The following TLE1 variants were observed in gnomAD, a reference collection of about 807,000 sequenced individuals.
TLE1 encodes the protein TLE family member 1, transcriptional corepressor.
A neutral mutation model predicts 89.8 loss-of-function variants in TLE1; 21 were observed. The observed-to-expected ratio is 0.23, with a 90% confidence interval of 0.17 to 0.34. TLE1 has a LOEUF of 0.34. Ranked by LOEUF, TLE1 falls within the 10% of genes least tolerant of loss-of-function variation. The probability of loss-of-function intolerance (pLI) is 1.00; values close to 1 mark genes in which losing one functional copy is unlikely to be tolerated. For synonymous variants in TLE1, 447 were observed against 407.6 expected, an observed-to-expected ratio of 1.10 and a Z score of -1.16; for missense variants, 795 against 1,031.2, an observed-to-expected ratio of 0.77 and a Z score of 3.14.
intron 14 of TLE1, among the ~76,000 whole-genome samples, chr9:81,602,074 C>A (rs1392270062): frequency 1.3e-5 from 2 of 152,150 alleles, no homozygotes; most frequent in African/African-American, 4.8e-5. Context: ...GGAAGGCATC[C>A]ATGAAGGCTT....
At chr9:81,669,949 A>G (rs1464923723) in intron 4 of TLE1, among the ~76,000 whole-genome samples, 4 of 152,324 alleles carry the variant, frequency 2.6e-5, no homozygotes, top group Middle Eastern at 3.4e-3. Context: ...TCAAGCTAAG[A>G]TTCAATTCAG....
At chr9:81,678,245 G>A (rs1208401795) in intron 4 of TLE1, among the ~76,000 whole-genome samples, 1 of 152,124 alleles carries the variant, frequency 6.6e-6, no homozygotes, top group Non-Finnish European at 1.5e-5. Context: ...TCTTGCTTGT[G>A]TCATACAGTC....
Position 81,584,530 on chromosome 9 carries a change from A to G in TLE1, c.2129-6T>C. The G allele has an allele frequency of 6.2e-7, 1 of 1,613,824 alleles. No individual in the cohort carries two copies. The highest frequency in any genetic ancestry group is 8.5e-7 in the Non-Finnish European group (1 of 1,179,868). ...AGTACTCACAAACCATTTACCTAGA[A>G]TTAGCAAAGGAATATCTAGTTTTCA... On this transcript the variant is annotated splice_region_variant and splice_polypyrimidine_tract_variant and intron_variant, in intron 18 of 19. Coordinates refer to ENST00000376499, the MANE Select transcript of TLE1 (RefSeq NM_005077.5).
intron 4 of TLE1, among the ~76,000 whole-genome samples, chr9:81,679,510 A>C (rs2129106): frequency 0.22 from 32,784 of 151,998 alleles, 4,081 homozygotes; most frequent in Non-Finnish European, 0.28. Context: ...ACGGGGAAAA[A>C]AAATCAGAAA....
At chr9:81,594,019 T>C (rs1418894034) in intron 14 of TLE1, among the ~76,000 whole-genome samples, 2 of 152,158 alleles carry the variant, frequency 1.3e-5, no homozygotes, top group Non-Finnish European at 2.9e-5. Flanking sequence ...GGATGGCATT[T>C]TGAGGAAGCT....
intron 14 of TLE1, among the ~76,000 whole-genome samples, chr9:81,606,141 G>A (rs890434031): frequency 6.6e-6 from 1 of 152,190 alleles, no homozygotes; most frequent in Non-Finnish European, 1.5e-5. Context: ...GAGAGGATGT[G>A]GAGAAATAAG....
chr9:81,650,871 A>C (rs1328116904), intron 6 of TLE1, among the ~76,000 whole-genome samples: 1 of 152,188 alleles, frequency 6.6e-6, no homozygotes, highest in Non-Finnish European at 1.5e-5. Context: ...AAAGGAAATG[A>C]AGGTCACCCT....
intron 6 of TLE1, among the ~76,000 whole-genome samples, chr9:81,646,414 G>A (rs549241393): frequency 2.0e-4 from 30 of 152,308 alleles, no homozygotes; most frequent in African/African-American, 7.2e-4. Context: ...ATACAAGTTA[G>A]TAGAGCTAGA....
At chr9:81,676,997 G>A (rs1191920949) in intron 4 of TLE1, among the ~76,000 whole-genome samples, 1 of 152,090 alleles carries the variant, frequency 6.6e-6, no homozygotes, top group Non-Finnish European at 1.5e-5. Flanking sequence ...AACACTTTGG[G>A]AGGCCAAAAT....
At chr9:81,620,741 G>A in intron 8 of TLE1, 184 bp from the exon 9 acceptor site, 1 of 985,368 alleles carries the variant, frequency 1.0e-6, no homozygotes, top group Non-Finnish European at 1.2e-6. Context: ...TTAAAAGGGA[G>A]ACCCTGACTT....
At chr9:81,683,807 C>G (rs1253990873) in intron 4 of TLE1, among the ~76,000 whole-genome samples, 1 of 152,080 alleles carries the variant, frequency 6.6e-6, no homozygotes, top group Non-Finnish European at 1.5e-5. Flanking sequence ...CACGGACAGA[C>G]AGTATATAGC....
At chr9:81,654,140 GA>G (rs778516505) in intron 4 of TLE1, 104 bp from the exon 5 acceptor site, 35 of 1,025,680 alleles carry the variant, frequency 3.4e-5, no homozygotes, top group Non-Finnish European at 5.1e-5. Context: ...CCTTGCTCTG[GA>G]AATGTGTATA....
chr9:81,687,278 G>A, intron 2 of TLE1, 56 bp downstream of exon 2: 1 of 1,490,478 alleles, frequency 6.7e-7, no homozygotes, highest in Non-Finnish European at 9.2e-7. Flanking sequence ...ACCCGGCTGG[G>A]TGCAAGGGGC....
rs1554681595 is a variant in TLE1 at position 81,633,304 on chromosome 9, T to C, written c.594+44A>G. 8 of 1,421,618 alleles carry C rather than the reference T, an allele frequency of 5.6e-6. No individual in the cohort carries two copies. The Admixed American group carries it at 1.6e-4, about 28-fold the overall frequency. 88.1% of individuals were successfully genotyped at this position (1,421,618 alleles called of 1,614,324 possible). A position where few individuals can be genotyped will look rare whatever the true frequency, so the allele number is the denominator to read the frequency against. ...GAAGGGGACCGTGTGTGTGTGTGTG[T>C]GTGTGTGTGTGTGTGTGTGTGCAGC... On this transcript the variant is annotated intron_variant, in intron 8 of 19. Coordinates refer to ENST00000376499, the MANE Select transcript of TLE1 (RefSeq NM_005077.5).
chr9:81,596,615 A>C (rs72747240), intron 14 of TLE1, among the ~76,000 whole-genome samples: 6,710 of 152,300 alleles, frequency 0.044, 311 homozygotes, highest in African/African-American at 0.12. Context: ...AGGAATGTAT[A>C]AACAGATAGT....
Position 81,689,347 on chromosome 9 carries a change from C to CG in TLE1, c.-1108dup, listed in dbSNP as rs1220950906. The CG allele has an allele frequency of 6.6e-6, 1 of 152,362 alleles. No individual in the cohort carries two copies. Among genetic ancestry groups the CG allele is most frequent in the African/African-American group, 2.4e-5 (1 of 41,432 alleles). The allele number at this position is 152,362 out of a possible 1,614,324, so 9.4% of individuals were successfully genotyped here. The stretch of plus-strand genomic sequence containing the variant: ...AGAGTAGTCACAGCGGTGGGGCCAG[C>CG]GGGGGTTTTGGTCGCCGCGGGACGA... On this transcript the variant is annotated 5_prime_UTR_variant, in exon 1 of 20. Transcript: ENST00000376499.
intron 14 of TLE1, among the ~76,000 whole-genome samples, chr9:81,598,477 C>T (rs919465624): frequency 2.6e-5 from 4 of 152,098 alleles, no homozygotes; most frequent in Admixed American, 6.5e-5. Context: ...TAAGTCTTTC[C>T]GATTCCAGAG....
rs1439796117 is a variant in TLE1, at chr9:81,633,427, A to G, written c.578-63T>C. The G allele has an allele frequency of 2.5e-6, 4 of 1,612,890 alleles. No individual in the cohort carries two copies. In the East Asian group the frequency reaches 8.9e-5, roughly 36 times the overall value. On this transcript the variant is annotated intron_variant, in intron 7 of 19. Transcript: ENST00000376499. ...CGTTCAGACACAGAGGCAAGAACAG[A>G]AATAAAAAAAAGGGGGGAATAATTA...
chr9:81,610,266 C>A lies in TLE1; in HGVS notation c.1285G>T (p.Val429Leu). 1 of 1,613,972 alleles carries A rather than the reference C, an allele frequency of 6.2e-7. No individual in the cohort carries two copies. Among genetic ancestry groups the A allele is most frequent in the East Asian group, 2.2e-5 (1 of 44,866 alleles). ...GCCAGGTTTGGAGGAATGGTAGGTACTCTCATGTGAGGGGGAGGATCAAAC... is the reference window on the plus strand; with the variant it reads ...GCCAGGTTTGGAGGAATGGTAGGTAATCTCATGTGAGGGGGAGGATCAAAC... ...VGFDPPPHMR[V>L]PTIPPNLAGI... The change falls in exon 14 of 20, where the codon GTA (valine) becomes TTA (leucine). Residue 429 changes from valine (V) to leucine (L), a missense_variant. Physicochemically the swap from Val to Leu is conservative, Grantham distance 32. This residue lies in a region of TLE1 where 468 missense variants were observed against 509.1 expected (regional missense o/e 0.92). Transcript: ENST00000376499.
Sources: allele counts gnomAD v4.1 joint callset (sites outside exome capture counted in the v4.1 genomes callset), GRCh38; gene constraint gnomAD v4.1.1; regional missense constraint gnomAD v4.1.1; transcripts MANE v1.5; gene names NCBI Gene and HGNC (gene_info 2026-07-23, HGNC 2026-07-21).